The following ARFGEF2 variants were observed in gnomAD, a reference collection of about 807,000 sequenced individuals.
ARFGEF2 encodes the protein brefeldin A-inhibited guanine nucleotide-exchange protein 2.
A neutral mutation model predicts 219.9 loss-of-function variants in ARFGEF2; 74 were observed. The ratio of observed to expected loss-of-function variants is 0.34; its 90% CI spans 0.28 to 0.41. ARFGEF2 has a LOEUF of 0.41. Among genes scored for constraint, ARFGEF2 ranks in the 10% least tolerant of loss-of-function variants. The probability of loss-of-function intolerance (pLI) is 1.00; values close to 1 mark genes in which losing one functional copy is unlikely to be tolerated. For missense variants in ARFGEF2, 1,743 were observed against 2,218.3 expected (o/e 0.79, Z 4.30); for synonymous variants, 733 against 799.2 (o/e 0.92, Z 1.40).
rs1280277401 is a variant in ARFGEF2, at chr20:48,976,197, G to A, written c.1956G>A (p.Glu652=). ...AAGAAATCATTGAACACGGCATCGA[G>A]CTGTGAGTGGGGCTGCCGTTAACTA... ...QQKEIIEHGI[E]LFNKKPKRGI... Residue 652 remains glutamate (E), a splice_region_variant and synonymous_variant, in exon 14 of 39, where the codon GAG becomes GAA. Coordinates refer to ENST00000371917, the MANE Select transcript of ARFGEF2 (RefSeq NM_006420.3). The A allele has an allele frequency of 5.0e-6, 8 of 1,613,830 alleles. No homozygotes were observed.
chr20:49,021,777 G>A (rs186591176), intron 34 of ARFGEF2, among the ~76,000 whole-genome samples: 91 of 151,700 alleles, frequency 6.0e-4, no homozygotes, highest in African/African-American at 2.1e-3. Flanking sequence ...ACCTGAAGGC[G>A]GAGGTTGCAG....
intron 1 of ARFGEF2, among the ~76,000 whole-genome samples, chr20:48,934,719 G>A (rs2090935983): frequency 1.3e-5 from 2 of 152,210 alleles, no homozygotes; most frequent in African/African-American, 4.8e-5. Context: ...AGTCCATGGT[G>A]TATATGTGCC....
intron 14 of ARFGEF2, among the ~76,000 whole-genome samples, chr20:48,977,598 G>T (rs1430385294): frequency 4.6e-5 from 7 of 152,190 alleles, no homozygotes; most frequent in Non-Finnish European, 7.3e-5. Context: ...CACCAACAGT[G>T]TAAAAGCGTT....
chr20:48,999,384 A>G (rs2091410810), intron 25 of ARFGEF2: 3 of 263,892 alleles, frequency 1.1e-5, no homozygotes, highest in South Asian at 9.7e-5. Context: ...ACATATGCAC[A>G]CATGTTGAAT....
At chr20:48,984,984 C>CG in intron 15 of ARFGEF2, 144 bp downstream of exon 15, 1 of 1,441,682 alleles carries the variant, frequency 6.9e-7, no homozygotes, top group Non-Finnish European at 9.5e-7. Context: ...TGTCCACCCC[C>CG]GGGTTACAGC....
Position 49,033,319 on chromosome 20 carries a change from C to A in ARFGEF2, c.*120C>A. On this transcript the variant is annotated 3_prime_UTR_variant, in exon 39 of 39. Transcript: ENST00000371917. ...TTGGCATCTTGGATCTCAGAATGGC[C>A]TGGAAACGGATGGCCTCTACGCTGT... 2 of 1,162,720 alleles carry A rather than the reference C, an allele frequency of 1.7e-6. No individual in the cohort carries two copies. Among genetic ancestry groups the A allele is most frequent in the African/African-American group, 1.5e-5 (1 of 66,016 alleles). The allele number at this position is 1,162,720 out of a possible 1,614,324, so 72.0% of individuals were successfully genotyped here.
In ARFGEF2 at chr20:48,953,698, A is replaced by G. The variant is rs1486298082; in HGVS notation, c.746A>G (p.Asp249Gly). 6.2e-7 allele frequency: 1 copy of G among 1,614,202 alleles called. No homozygotes were observed. Among genetic ancestry groups the G allele is most frequent in the South Asian group, 1.1e-5 (1 of 91,082 alleles). The change falls in exon 6 of 39, where the codon GAT becomes GGT. Residue 249 changes from aspartate (D) to glycine (G), a missense_variant. Transcript: ENST00000371917. ...QSKPTTPEKTDLTNGEHARSD... is the reference protein window; with the variant it reads ...QSKPTTPEKTGLTNGEHARSD... ...AAACCAACAACTCCCGAAAAAACAGATTTAACCAACGGTGAACATGCCAGG... is the reference window on the plus strand; with the variant it reads ...AAACCAACAACTCCCGAAAAAACAGGTTTAACCAACGGTGAACATGCCAGG...
intron 6 of ARFGEF2, among the ~76,000 whole-genome samples, chr20:48,956,930 G>A (rs899507871): frequency 6.6e-6 from 1 of 152,214 alleles, no homozygotes; most frequent in Non-Finnish European, 1.5e-5. Flanking sequence ...GAACTGTGCC[G>A]GACACATACA....
At chr20:48,934,443 G>A (rs912636016) in intron 1 of ARFGEF2, among the ~76,000 whole-genome samples, 2 of 152,122 alleles carry the variant, frequency 1.3e-5, no homozygotes, top group African/African-American at 4.8e-5. Flanking sequence ...CCATCAACCC[G>A]TAATCTGGGT....
intron 14 of ARFGEF2, among the ~76,000 whole-genome samples, chr20:48,983,576 T>C (rs963035385): frequency 2.6e-5 from 4 of 152,206 alleles, no homozygotes; most frequent in African/African-American, 9.6e-5. Context: ...ACCCAGCCCC[T>C]GGCCTCCCTT....
At chr20:49,006,865 A>C (rs1459122832) in intron 26 of ARFGEF2, among the ~76,000 whole-genome samples, 1 of 150,486 alleles carries the variant, frequency 6.6e-6, no homozygotes, top group African/African-American at 2.4e-5. Flanking sequence ...TGAAAGATGG[A>C]AGCCGTTGGA....
chr20:49,010,530 C>T, intron 27 of ARFGEF2, 126 bp downstream of exon 27: 1 of 1,106,338 alleles, frequency 9.0e-7, no homozygotes, highest in Non-Finnish European at 1.3e-6. Context: ...AGTAATGTGC[C>T]AGGCCGTGTT....
intron 14 of ARFGEF2, among the ~76,000 whole-genome samples, chr20:48,977,662 C>T (rs538211362): frequency 7.2e-4 from 110 of 152,272 alleles, no homozygotes; most frequent in Non-Finnish European, 1.2e-3. Context: ...TTTTAATGAT[C>T]GCCATTCTAA....
chr20:48,952,708 C>G lies in ARFGEF2; in HGVS notation c.427C>G (p.Leu143Val). Reference sequence around the variant, plus strand: ...AGGTCGCGGATTTCTATTTTAGGCTCTTCTGACTGCAGTGACTTCCCCACA... The same window carrying G: ...AGGTCGCGGATTTCTATTTTAGGCTGTTCTGACTGCAGTGACTTCCCCACA... ...EGVQLQIIKA[L>V]LTAVTSPHIE... The change falls in exon 5 of 39, where the codon CTT becomes GTT. Residue 143 changes from leucine to valine, a missense_variant. By Grantham distance (32) the Leu-to-Val change is conservative. This residue lies in a region of ARFGEF2 where 394 missense variants were observed against 426.6 expected (regional missense o/e 0.92). Transcript: ENST00000371917. 1 of 1,614,212 alleles carries G rather than the reference C, an allele frequency of 6.2e-7. No homozygotes were observed. The highest frequency in any genetic ancestry group is 1.3e-5 in the African/African-American group (1 of 75,058).
intron 25 of ARFGEF2, among the ~76,000 whole-genome samples, chr20:49,002,807 G>A (rs2091433111): frequency 6.6e-6 from 1 of 151,486 alleles, no homozygotes; most frequent in Non-Finnish European, 1.5e-5. Context: ...ACCATGCCTG[G>A]CTAATTTTTT....
chr20:48,987,818 C>T (rs746621788), intron 16 of ARFGEF2, among the ~76,000 whole-genome samples: 34 of 152,144 alleles, frequency 2.2e-4, no homozygotes, highest in Non-Finnish European at 4.1e-4. Flanking sequence ...GAGACAGTCT[C>T]GCTCTGTCAC....
intron 1 of ARFGEF2, among the ~76,000 whole-genome samples, chr20:48,927,270 A>C (rs2090883620): frequency 6.6e-6 from 1 of 152,250 alleles, no homozygotes; most frequent in African/African-American, 2.4e-5. Flanking sequence ...CTGTGTGTCC[A>C]TATGATACAT....
intron 23 of ARFGEF2, 161 bp from the exon 24 acceptor site, chr20:48,998,023 AATTTTTTGT>A (rs1207384971): frequency 3.1e-6 from 2 of 638,112 alleles, no homozygotes; most frequent in African/African-American, 3.6e-5. Context: ...ACGCCCAGCT[AATTTTTTGT>A]ATTTTTTATT....
Position 48,969,185 on chromosome 20 carries a change from C to T in ARFGEF2, c.1098C>T (p.Phe366=), listed in dbSNP as rs1380206130. The change falls in exon 9 of 39, where the codon TTC becomes TTT. Residue 366 remains phenylalanine, a synonymous_variant. Coordinates refer to ENST00000371917, the MANE Select transcript of ARFGEF2 (RefSeq NM_006420.3). The stretch of plus-strand genomic sequence containing the variant: ...AAGGACATCAAGTGGCTGCCAGGTT[C>T]TCCCACGTTCTGCAGAAGGATGCCT... The part of the protein sequence containing the change: ...DAQGHQVAAR[F]SHVLQKDAFL... The T allele has an allele frequency of 6.2e-7, 1 of 1,614,204 alleles. No individual in the cohort carries two copies. The highest frequency in any genetic ancestry group is 1.1e-5 in the South Asian group (1 of 91,086).
Sources: allele counts gnomAD v4.1 joint callset (sites outside exome capture counted in the v4.1 genomes callset), GRCh38; gene constraint gnomAD v4.1.1; regional missense constraint gnomAD v4.1.1; transcripts MANE v1.5; gene names NCBI Gene and HGNC (gene_info 2026-07-23, HGNC 2026-07-21).